Variants in PDE4B observed in about 807,000 individuals in gnomAD.
The protein encoded by PDE4B is phosphodiesterase 4B, also known as 3',5'-cyclic-AMP phosphodiesterase 4B.
PDE4B carries 20 observed loss-of-function variants against 82.2 expected under a neutral mutation model. That is an observed-to-expected ratio of 0.24 (90% CI 0.17 to 0.35). The LOEUF is 0.35. Ranked by LOEUF, PDE4B falls within the 10% of genes least tolerant of loss-of-function variation. The probability of loss-of-function intolerance (pLI) is 1.00; values close to 1 mark genes in which losing one functional copy is unlikely to be tolerated. For synonymous variants in PDE4B, 320 were observed against 318.9 expected (o/e 1.00, Z -0.04); for missense variants, 655 against 907.2 (o/e 0.72, Z 3.57).
intron 1 of PDE4B, among the ~76,000 whole-genome samples, chr1:65,864,922 A>T (rs893940823): frequency 2.0e-5 from 3 of 152,202 alleles, no homozygotes; most frequent in African/African-American, 7.2e-5. Context: ...CATCAGTATC[A>T]GCTGCTCTCC....
intron 7 of PDE4B, among the ~76,000 whole-genome samples, chr1:66,278,254 G>A (rs1656037672): frequency 6.6e-6 from 1 of 152,180 alleles, no homozygotes; most frequent in Non-Finnish European, 1.5e-5. Flanking sequence ...TCTTGAAACT[G>A]GGGTATATTC....
intron 7 of PDE4B, among the ~76,000 whole-genome samples, chr1:66,292,583 C>G (rs1420577571): frequency 2.6e-5 from 4 of 152,106 alleles, no homozygotes; most frequent in Non-Finnish European, 4.4e-5. Context: ...CAAGTATATG[C>G]CTGCCAAGTA....
chr1:66,129,378 C>T (rs1645887119), intron 3 of PDE4B, among the ~76,000 whole-genome samples: 1 of 152,226 alleles, frequency 6.6e-6, no homozygotes, highest in East Asian at 1.9e-4. Context: ...CTCTCTGTGG[C>T]CGGGCGCGGT....
chr1:65,906,643 T>C (rs2100438643), intron 1 of PDE4B, among the ~76,000 whole-genome samples: 1 of 152,236 alleles, frequency 6.6e-6, no homozygotes, highest in Middle Eastern at 3.4e-3. Flanking sequence ...TGGGGTTAGT[T>C]TGTCACTTTC....
intron 12 of PDE4B, among the ~76,000 whole-genome samples, chr1:66,364,625 A>T (rs1014273190): frequency 6.6e-6 from 1 of 152,218 alleles, no homozygotes; most frequent in Non-Finnish European, 1.5e-5. Flanking sequence ...CTTGTGTTGC[A>T]TATTTTCTAA....
intron 3 of PDE4B, among the ~76,000 whole-genome samples, chr1:66,154,892 A>G (rs1296414682): frequency 1.3e-5 from 2 of 152,184 alleles, no homozygotes; most frequent in African/African-American, 2.4e-5. Context: ...GATGGGAACT[A>G]TAAAATTGCA....
chr1:66,365,058 G>C (rs766953928), intron 12 of PDE4B, among the ~76,000 whole-genome samples: 39 of 152,154 alleles, frequency 2.6e-4, no homozygotes, highest in Non-Finnish European at 4.6e-4. Context: ...TTCATGACAT[G>C]ACATGAAGGA....
chr1:66,039,843 C>A (rs1654270739), intron 3 of PDE4B, among the ~76,000 whole-genome samples: 1 of 139,202 alleles, frequency 7.2e-6, no homozygotes, highest in Admixed American at 7.4e-5. Context: ...TTGGTGTATA[C>A]TTTATGGTAC....
chr1:66,374,393 C>T lies in PDE4B; in HGVS notation c.*1715C>T, dbSNP rs2050892892. The T allele has an allele frequency of 1.3e-5, 2 of 151,074 alleles. No homozygotes were observed. Among genetic ancestry groups the T allele is most frequent in the Non-Finnish European group, 3.0e-5 (2 of 67,614 alleles). The allele number at this position is 151,074 out of a possible 1,614,324, so 9.4% of individuals were successfully genotyped here. A position where few individuals can be genotyped will look rare whatever the true frequency, so the allele number is the denominator to read the frequency against. Reference sequence around the variant, plus strand: ...GTTCAGCATTGTGACTCAGTAATTACAGAAAATGGCACAAATGTGCATGAC... The same window carrying T: ...GTTCAGCATTGTGACTCAGTAATTATAGAAAATGGCACAAATGTGCATGAC... On this transcript the variant is annotated 3_prime_UTR_variant, in exon 17 of 17. Coordinates refer to ENST00000341517, the MANE Select transcript of PDE4B (RefSeq NM_002600.4).
At chr1:66,179,913 G>A (rs113755052) in intron 3 of PDE4B, among the ~76,000 whole-genome samples, 234 of 152,254 alleles carry the variant, frequency 1.5e-3, no homozygotes, top group African/African-American at 5.3e-3. Context: ...CAGGGAGGAA[G>A]GAAATGGGGC....
At chr1:65,813,940 ATTTG>A (rs548733263) in intron 1 of PDE4B, among the ~76,000 whole-genome samples, 445 of 150,272 alleles carry the variant, frequency 3.0e-3, no homozygotes, top group African/African-American at 0.01. Context: ...TGGAATATAG[ATTTG>A]TTTGTCTTCA....
At chr1:65,819,571 G>A (rs1017346457) in intron 1 of PDE4B, among the ~76,000 whole-genome samples, 1 of 149,354 alleles carries the variant, frequency 6.7e-6, no homozygotes, top group Non-Finnish European at 1.5e-5. Context: ...GCGCGATCTC[G>A]GCTCACTGCA....
chr1:66,266,633 G>GT, intron 7 of PDE4B: 1 of 483,318 alleles, frequency 2.1e-6, no homozygotes, highest in Non-Finnish European at 4.2e-6. Context: ...GTTTTGTTTT[G>GT]TTTTTTGTTT....
At position 65,974,080 on chromosome 1, in the gene PDE4B, T is replaced by C. The variant is rs146408797; in HGVS notation, c.281+55245T>C. Among the ~76,000 whole-genome samples the C allele has an allele frequency of 2.6e-3, 392 of 152,330 alleles. 1 individual carries two copies. Among genetic ancestry groups the C allele is most frequent in the African/African-American group, 8.9e-3 (372 of 41,576 alleles). On this transcript the variant is annotated intron_variant, in intron 3 of 16. Coordinates refer to ENST00000341517, the MANE Select transcript of PDE4B (RefSeq NM_002600.4). ...TGCCTGCCTCAGCCTCCCAAAGTGC[T>C]GGAATTACAGGTGTGAGCCACTATA... is the stretch of plus-strand genomic sequence containing the variant.
chr1:65,874,556 C>G (rs1571049957), intron 1 of PDE4B, among the ~76,000 whole-genome samples: 1 of 152,244 alleles, frequency 6.6e-6, no homozygotes, highest in East Asian at 1.9e-4. Context: ...TACTACAAGG[C>G]TACAGTAACC....
intron 3 of PDE4B, among the ~76,000 whole-genome samples, chr1:66,070,645 G>A (rs983084787): frequency 2.6e-5 from 4 of 151,758 alleles, no homozygotes; most frequent in Non-Finnish European, 4.4e-5. Flanking sequence ...ATAAAATATC[G>A]ACCAACAAAG....
chr1:66,115,514 A>C (rs1383943239), intron 3 of PDE4B, among the ~76,000 whole-genome samples: 2 of 152,246 alleles, frequency 1.3e-5, no homozygotes, highest in African/African-American at 2.4e-5. Context: ...TGGGTCCAGA[A>C]TTTGATCTTA....
At chr1:66,252,627 C>T (rs1435597563) in intron 4 of PDE4B, among the ~76,000 whole-genome samples, 1 of 152,214 alleles carries the variant, frequency 6.6e-6, no homozygotes, top group Non-Finnish European at 1.5e-5. Flanking sequence ...CTGCTGAATG[C>T]ATATGGCTTT....
intron 1 of PDE4B, among the ~76,000 whole-genome samples, chr1:65,886,570 A>G (rs1210724945): frequency 6.6e-6 from 1 of 152,134 alleles, no homozygotes; most frequent in Non-Finnish European, 1.5e-5. Flanking sequence ...TCTGGTATCT[A>G]TTATTCTACT....
Sources: gnomAD v4.1 joint callset for allele counts (sites outside exome capture counted in the v4.1 genomes callset) on GRCh38, gnomAD v4.1.1 for gene constraint, MANE v1.5 for transcripts, NCBI Gene and HGNC (gene_info 2026-07-23, HGNC 2026-07-21) for gene names.